The following MECOM variants were observed in gnomAD, a reference collection of about 807,000 sequenced individuals.
MECOM encodes the protein MDS1 and EVI1 complex locus.
In MECOM, 13 loss-of-function variants were observed where a neutral mutation model predicts 116.3. The ratio of observed to expected loss-of-function variants is 0.11; its 90% CI spans 0.07 to 0.18. The LOEUF is 0.18. MECOM is among the 10% of genes least tolerant of loss of function. MECOM has a pLI of 1.00. For missense variants in MECOM, 1,299 were observed against 1,509.0 expected (o/e 0.86, Z 2.31); for synonymous variants, 528 against 535.2 (o/e 0.99, Z 0.19).
At chr3:169,653,431 T>C (rs773850707) in intron 1 of MECOM, among the ~76,000 whole-genome samples, 1 of 152,124 alleles carries the variant, frequency 6.6e-6, no homozygotes, top group African/African-American at 2.4e-5. Flanking sequence ...ATAAAGACAA[T>C]TCCATACTAT....
chr3:169,189,641 A>T (rs1405663252), intron 2 of MECOM, among the ~76,000 whole-genome samples: 1 of 152,068 alleles, frequency 6.6e-6, no homozygotes, highest in East Asian at 1.9e-4. Flanking sequence ...ATCTGTGAGT[A>T]ATTTCTCCAG....
intron 2 of MECOM, among the ~76,000 whole-genome samples, chr3:169,156,823 G>A (rs1742069920): frequency 6.6e-6 from 1 of 152,108 alleles, no homozygotes; most frequent in African/African-American, 2.4e-5. Flanking sequence ...TTCCCTAGGA[G>A]AAAGAAAAGC....
At chr3:169,416,972 A>T (rs113447476) in intron 1 of MECOM, among the ~76,000 whole-genome samples, 18,067 of 152,184 alleles carry the variant, frequency 0.12, 1,394 homozygotes, top group East Asian at 0.35. Flanking sequence ...AGGATTAAAG[A>T]CTTAAACGTT....
Position 169,147,658 on chromosome 3 carries a change from A to G in MECOM, c.376-3826T>C, listed in dbSNP as rs1740312106. The G allele has an allele frequency of 6.1e-6, 6 of 984,888 alleles. No individual in the cohort carries two copies. In the South Asian group the frequency reaches 1.9e-4, roughly 31 times the overall value. The allele number at this position is 984,888 out of a possible 1,614,324, so 61.0% of individuals were successfully genotyped here. A position where few individuals can be genotyped will look rare whatever the true frequency, so the allele number is the denominator to read the frequency against. On this transcript the variant is annotated intron_variant, in intron 2 of 16. Coordinates refer to ENST00000651503, the MANE Select transcript of MECOM (RefSeq NM_004991.4). ...AACCAATGGGGAGATCTCGCCAGGC[A>G]GGATTTCTTTCCCCAGGGAAATAGC...
intron 2 of MECOM, among the ~76,000 whole-genome samples, chr3:169,151,144 C>T (rs1311494907): frequency 6.6e-6 from 1 of 152,150 alleles, no homozygotes; most frequent in Non-Finnish European, 1.5e-5. Context: ...AAAAGTTCTG[C>T]TAATGGAGAC....
At chr3:169,154,310 G>A (rs1219200183) in intron 2 of MECOM, among the ~76,000 whole-genome samples, 6 of 152,036 alleles carry the variant, frequency 3.9e-5, no homozygotes, top group Admixed American at 6.6e-5. Flanking sequence ...AATGTCTCCT[G>A]GTAGACAGAC....
intron 1 of MECOM, among the ~76,000 whole-genome samples, chr3:169,393,590 G>A (rs1372279401): frequency 6.6e-6 from 1 of 151,994 alleles, no homozygotes; most frequent in Non-Finnish European, 1.5e-5. Flanking sequence ...AAAATATTTT[G>A]CTGTCCACTT....
chr3:169,477,376 G>A (rs935893104), intron 1 of MECOM, among the ~76,000 whole-genome samples: 6 of 151,754 alleles, frequency 4.0e-5, no homozygotes, highest in Non-Finnish European at 5.9e-5. Flanking sequence ...AAATCTTGGA[G>A]TAAACACAAA....
intron 1 of MECOM, among the ~76,000 whole-genome samples, chr3:169,454,985 C>T (rs1275380263): frequency 1.3e-5 from 2 of 152,178 alleles, no homozygotes; most frequent in Non-Finnish European, 1.5e-5. Flanking sequence ...CTCTTACAAT[C>T]AGCCATGTCT....
At chr3:169,582,836 A>G (rs899795740) in intron 1 of MECOM, among the ~76,000 whole-genome samples, 1 of 152,226 alleles carries the variant, frequency 6.6e-6, no homozygotes, top group Non-Finnish European at 1.5e-5. Flanking sequence ...CTGACTATTC[A>G]TGATTTAAAC....
intron 2 of MECOM, among the ~76,000 whole-genome samples, chr3:169,177,209 A>T (rs932578537): frequency 6.6e-6 from 1 of 152,224 alleles, no homozygotes; most frequent in Non-Finnish European, 1.5e-5. Flanking sequence ...AAGTCATGGA[A>T]TCAACCCAAA....
intron 1 of MECOM, among the ~76,000 whole-genome samples, chr3:169,469,561 T>G (rs73040822): frequency 0.19 from 29,033 of 151,866 alleles, 4,130 homozygotes; most frequent in African/African-American, 0.37. Flanking sequence ...TCTGAAAAAC[T>G]AATTATGTGA....
intron 2 of MECOM, among the ~76,000 whole-genome samples, chr3:169,296,092 G>A (rs1312568031): frequency 6.6e-6 from 1 of 152,168 alleles, no homozygotes; most frequent in Non-Finnish European, 1.5e-5. Context: ...AGTGAAAAGG[G>A]AAATGAAACC....
chr3:169,290,053 C>T (rs927412811), intron 2 of MECOM, among the ~76,000 whole-genome samples: 4 of 151,944 alleles, frequency 2.6e-5, no homozygotes, highest in Admixed American at 6.6e-5. Flanking sequence ...CTTGAGAAGC[C>T]GACAACAGTA....
At chr3:169,563,796 G>T (rs1178649207) in intron 1 of MECOM, among the ~76,000 whole-genome samples, 1 of 152,140 alleles carries the variant, frequency 6.6e-6, no homozygotes, top group African/African-American at 2.4e-5. Context: ...AGCTGAGTCA[G>T]TTCTCAAAAC....
intron 2 of MECOM, among the ~76,000 whole-genome samples, chr3:169,363,922 T>A (rs899994389): frequency 6.6e-6 from 1 of 151,970 alleles, no homozygotes; most frequent in Non-Finnish European, 1.5e-5. Context: ...ACTGGAGACA[T>A]CAGTGACAAA....
intron 1 of MECOM, among the ~76,000 whole-genome samples, chr3:169,539,586 T>A (rs1185658610): frequency 6.6e-6 from 1 of 152,196 alleles, no homozygotes; most frequent in Non-Finnish European, 1.5e-5. Context: ...GTACCCTAAA[T>A]ATGTTGTGAA....
In MECOM at chr3:169,212,636, GTATATATA is replaced by G. The variant is rs61115570; in HGVS notation, c.376-68812_376-68805del. 3.6e-3 allele frequency among the ~76,000 whole-genome samples: 93 copies of G among 26,048 alleles called. 1 individual carries two copies. Among genetic ancestry groups the G allele is most frequent in the South Asian group, 0.014 (12 of 866 alleles). The allele number at this position is 26,048 out of a possible 152,430, so 17.1% of individuals were successfully genotyped here. On this transcript the variant is annotated intron_variant, in intron 2 of 16. Coordinates refer to ENST00000651503, the MANE Select transcript of MECOM (RefSeq NM_004991.4). ...TAGTCTTGGTCTTCTAGTCAGCAAT[GTATATATA>G]TATATATATATATATATATATATAT...
chr3:169,378,452 G>GAAAGAAAGAAAGAAA lies in MECOM; in HGVS notation c.375+2734_375+2735insTTTCTTTCTTTCTTT, dbSNP rs1491467574. 2.2e-4 allele frequency among the ~76,000 whole-genome samples: 14 copies of GAAAGAAAGAAAGAAA among 64,588 alleles called. 1 individual carries two copies. The highest frequency in any genetic ancestry group is 1.0e-3 in the South Asian group (2 of 1,952). 42.4% of individuals were successfully genotyped at this position (64,588 alleles called of 152,430 possible). A position where few individuals can be genotyped will look rare whatever the true frequency, so the allele number is the denominator to read the frequency against. ...AAGAAAGAAAGAAAGAAAGAAAGAA[G>GAAAGAAAGAAAGAAA]GAAAGCAAGCAAGCAAGCAAGCAAG... On this transcript the variant is annotated intron_variant, in intron 2 of 16. Transcript: ENST00000651503.
Sources: gnomAD v4.1 joint callset for allele counts (sites outside exome capture counted in the v4.1 genomes callset) on GRCh38, gnomAD v4.1.1 for gene constraint, MANE v1.5 for transcripts, NCBI Gene and HGNC (gene_info 2026-07-23, HGNC 2026-07-21) for gene names.